The following FAM184B variants were observed in gnomAD, a reference collection of about 807,000 sequenced individuals.
The protein encoded by FAM184B is protein FAM184B.
FAM184B carries 111 observed loss-of-function variants against 135.9 expected under a neutral mutation model. The ratio of observed to expected loss-of-function variants is 0.82; its 90% CI spans 0.70 to 0.96. The LOEUF is 0.96. Ranked by LOEUF, FAM184B falls within the 40% of genes least tolerant of loss-of-function variation. FAM184B has a pLI of 0.00. For missense variants in FAM184B, 1,375 were observed against 1,323.9 expected (o/e 1.04, Z -0.60); for synonymous variants, 552 against 524.8 (o/e 1.05, Z -0.71).
rs1394777521 is a variant in FAM184B, at chr4:17,688,543, G to A, written c.1489-12C>T. 1 of 1,531,172 alleles carries A rather than the reference G, an allele frequency of 6.5e-7. No individual in the cohort carries two copies. Among genetic ancestry groups the A allele is most frequent in the African/African-American group, 1.4e-5 (1 of 72,090 alleles). 94.8% of individuals were successfully genotyped at this position (1,531,172 alleles called of 1,614,324 possible). On this transcript the variant is annotated splice_polypyrimidine_tract_variant and intron_variant, in intron 6 of 17. Coordinates refer to ENST00000265018, the MANE Select transcript of FAM184B (RefSeq NM_015688.2). ...TCCAGCCTTAAAACCTAAAACAGGAGATAAGAAACACCACACAATGAAACC... is the reference window on the plus strand; with the variant it reads ...TCCAGCCTTAAAACCTAAAACAGGAAATAAGAAACACCACACAATGAAACC...
In FAM184B at chr4:17,694,036, C is replaced by T. The variant is rs556902283; in HGVS notation, c.1378-624G>A. Among the ~76,000 whole-genome samples the T allele has an allele frequency of 3.3e-5, 5 of 152,314 alleles. No individual in the cohort carries two copies. The South Asian group carries it at 1.0e-3, about 32-fold the overall frequency. On this transcript the variant is annotated intron_variant, in intron 5 of 17. Transcript: ENST00000265018. The stretch of plus-strand genomic sequence containing the variant: ...ATGGTCCCTCACCACAGCCCATGAG[C>T]CTCAGTGCAAAGCAGATCCAGGTGA...
intron 16 of FAM184B, among the ~76,000 whole-genome samples, 167 bp downstream of exon 16, chr4:17,634,842 A>G (rs939930426): frequency 6.6e-6 from 1 of 152,070 alleles, no homozygotes; most frequent in Non-Finnish European, 1.5e-5. Context: ...TAAAAAATAA[A>G]AATCACACAT....
intron 13 of FAM184B, among the ~76,000 whole-genome samples, chr4:17,641,502 G>A (rs1232332577): frequency 3.1e-4 from 23 of 74,004 alleles, no homozygotes; most frequent in Admixed American, 8.5e-4. Context: ...TTTTTGAGAC[G>A]GAGTCTTGCA....
chr4:17,735,306 A>T (rs985015660), intron 1 of FAM184B, among the ~76,000 whole-genome samples: 5 of 152,144 alleles, frequency 3.3e-5, no homozygotes, highest in Non-Finnish European at 7.4e-5. Context: ...CATTGTGCAC[A>T]TGTACCCTAA....
At position 17,758,945 on chromosome 4, in the gene FAM184B, C is replaced by G. The variant is rs897448157; in HGVS notation, c.141+22214G>C. On this transcript the variant is annotated intron_variant, in intron 1 of 17. Transcript: ENST00000265018. ...TTGGGAAAGGTGAGGAAAGGTGGGC[C>G]AGCCTCTTTTGGCCAGTTCAGAACT... Among the ~76,000 whole-genome samples the G allele has an allele frequency of 3.0e-4, 46 of 152,072 alleles. 1 individual carries two copies. Among genetic ancestry groups the G allele is most frequent in the African/African-American group, 1.1e-3 (45 of 41,474 alleles).
In FAM184B at chr4:17,633,860, C is replaced by T. The variant is rs368942670; in HGVS notation, c.2918G>A (p.Arg973His). 5.0e-5 allele frequency: 78 copies of T among 1,550,406 alleles called. No homozygotes were observed. The highest frequency in any genetic ancestry group is 5.6e-5 in the Non-Finnish European group (64 of 1,146,534). Residue 973 changes from arginine (R) to histidine (H), a missense_variant, in exon 17 of 18, where the codon CGC becomes CAC. Coordinates refer to ENST00000265018, the MANE Select transcript of FAM184B (RefSeq NM_015688.2). Reference protein sequence around the residue: ...KKKKVEDVPSRVVSVPNLASY... With the variant: ...KKKKVEDVPSHVVSVPNLASY... ...GGCGAGGTTCGGCACGCTGACCACGCGGCTGGGCACGTCCTCCACCTTCTT... is the reference window on the plus strand; with the variant it reads ...GGCGAGGTTCGGCACGCTGACCACGTGGCTGGGCACGTCCTCCACCTTCTT...
At chr4:17,731,656 A>G (rs1717778209) in intron 1 of FAM184B, among the ~76,000 whole-genome samples, 2 of 152,246 alleles carry the variant, frequency 1.3e-5, no homozygotes, top group African/African-American at 4.8e-5. Context: ...CACCCAATAC[A>G]GGAGCACTCA....
chr4:17,775,465 A>G lies in FAM184B; in HGVS notation c.141+5694T>C, dbSNP rs530118585. On this transcript the variant is annotated intron_variant, in intron 1 of 17. Transcript: ENST00000265018. The stretch of plus-strand genomic sequence containing the variant: ...CTCCCAAACTGCTGGGATTACAGGC[A>G]TGAGCCACTGAGCCCAGCTAGAATA... 4.1e-4 allele frequency among the ~76,000 whole-genome samples: 62 copies of G among 152,292 alleles called. 1 individual carries two copies. Among genetic ancestry groups the G allele is most frequent in the South Asian group, 2.3e-3 (11 of 4,830 alleles).
At chr4:17,701,613 T>A (rs964352187) in intron 5 of FAM184B, among the ~76,000 whole-genome samples, 2 of 152,168 alleles carry the variant, frequency 1.3e-5, no homozygotes, top group Non-Finnish European at 2.9e-5. Flanking sequence ...CATGGGCACA[T>A]GACTGAAGCT....
In FAM184B at chr4:17,781,064, A is replaced by G. The variant is rs1046663707; in HGVS notation, c.141+95T>C. The stretch of plus-strand genomic sequence containing the variant: ...CCTCCGAGACAAAGTTTCTGTCTGG[A>G]TTTGGCCCGGGCCTCCCGGGAGGCG... On this transcript the variant is annotated intron_variant, in intron 1 of 17. Coordinates refer to ENST00000265018, the MANE Select transcript of FAM184B (RefSeq NM_015688.2). This position sits in a 1 kb window ranked among gnomAD's most constrained non-coding sequence, Gnocchi z 6.5. The G allele has an allele frequency of 1.9e-5, 27 of 1,390,414 alleles. No individual in the cohort carries two copies. Among genetic ancestry groups the G allele is most frequent in the Non-Finnish European group, 2.5e-5 (27 of 1,060,534 alleles). The allele number at this position is 1,390,414 out of a possible 1,614,324, so 86.1% of individuals were successfully genotyped here.
chr4:17,638,296 C>T (rs1173700914), intron 14 of FAM184B, among the ~76,000 whole-genome samples: 1 of 151,844 alleles, frequency 6.6e-6, no homozygotes, highest in Non-Finnish European at 1.5e-5. Context: ...TCAGACGATC[C>T]TCCCGCCTCA....
intron 1 of FAM184B, among the ~76,000 whole-genome samples, chr4:17,728,104 C>T (rs1000097798): frequency 6.6e-6 from 1 of 151,920 alleles, no homozygotes; most frequent in Non-Finnish European, 1.5e-5. Context: ...AAAGTGAGAC[C>T]TTGTCTCTAC....
chr4:17,646,568 C>G (rs570115358), intron 12 of FAM184B, among the ~76,000 whole-genome samples: 6 of 149,896 alleles, frequency 4.0e-5, no homozygotes, highest in African/African-American at 1.5e-4. Flanking sequence ...CATCACACAC[C>G]GGGGACTGTT....
At chr4:17,651,428 C>G (rs1241048450) in intron 11 of FAM184B, among the ~76,000 whole-genome samples, 1 of 147,858 alleles carries the variant, frequency 6.8e-6, no homozygotes, top group Non-Finnish European at 1.5e-5. Context: ...GTCCCAGCTA[C>G]TCGGGAGGCT....
intron 1 of FAM184B, among the ~76,000 whole-genome samples, chr4:17,750,187 T>C (rs1429011703): frequency 6.6e-6 from 1 of 152,196 alleles, no homozygotes; most frequent in Non-Finnish European, 1.5e-5. Flanking sequence ...CTTTTGAAAA[T>C]AGTCATGCGA....
intron 1 of FAM184B, among the ~76,000 whole-genome samples, chr4:17,757,602 A>G (rs1718450768): frequency 6.6e-6 from 1 of 152,224 alleles, no homozygotes; most frequent in Non-Finnish European, 1.5e-5. Context: ...AGATCGATAT[A>G]AAATGATTCA....
intron 7 of FAM184B, among the ~76,000 whole-genome samples, chr4:17,684,714 T>C (rs10019460): frequency 0.34 from 52,335 of 152,144 alleles, 9,492 homozygotes; most frequent in Non-Finnish European, 0.37. Context: ...TGCAACTCTA[T>C]AGAGGAGGCA....
chr4:17,686,241 T>C (rs1436146300), intron 7 of FAM184B, among the ~76,000 whole-genome samples: 1 of 152,130 alleles, frequency 6.6e-6, no homozygotes, highest in Non-Finnish European at 1.5e-5. Flanking sequence ...AGAATGAAAA[T>C]GTCTGCACAT....
At chr4:17,649,887 TCTATCTGTCTAC>T (rs1715565661) in intron 11 of FAM184B, among the ~76,000 whole-genome samples, 5 of 148,676 alleles carry the variant, frequency 3.4e-5, no homozygotes, top group African/African-American at 9.9e-5. Context: ...CATCCACCCA[TCTATCTGTCTAC>T]CCATCTGTCC....
Sources: gnomAD v4.1 joint callset for allele counts (sites outside exome capture counted in the v4.1 genomes callset) on GRCh38, gnomAD v4.1.1 for gene constraint, Gnocchi (gnomAD v3.1) non-coding constraint, MANE v1.5 for transcripts, NCBI Gene and HGNC (gene_info 2026-07-23, HGNC 2026-07-21) for gene names.